CNTNAP5: variants seen among roughly 807,000 people sequenced by gnomAD.
The protein encoded by CNTNAP5 is contactin associated protein family member 5.
In CNTNAP5, 72 loss-of-function variants were observed where a neutral mutation model predicts 150.2. The observed-to-expected ratio is 0.48, with a 90% CI of 0.40 to 0.58. CNTNAP5 has a LOEUF of 0.58. CNTNAP5 is among the 20% of genes least tolerant of loss of function. The pLI, the probability that CNTNAP5 is intolerant of heterozygous loss-of-function variation, is 0.00. For missense variants in CNTNAP5, 1,636 were observed against 1,626.2 expected, an observed-to-expected ratio of 1.01 and a Z score of -0.10; for synonymous variants, 672 against 619.8, an observed-to-expected ratio of 1.08 and a Z score of -1.25.
chr2:124,809,174 A>C (rs1347523257), intron 19 of CNTNAP5, among the ~76,000 whole-genome samples: 1 of 152,128 alleles, frequency 6.6e-6, no homozygotes, highest in Non-Finnish European at 1.5e-5. Flanking sequence ...CTTCAGTCCA[A>C]TTTGTAGTGC....
intron 3 of CNTNAP5, among the ~76,000 whole-genome samples, chr2:124,290,874 C>CTTTATTA (rs1553455459): frequency 6.7e-6 from 1 of 148,444 alleles, no homozygotes; most frequent in Non-Finnish European, 1.5e-5. Flanking sequence ...ATCTTCCTTC[C>CTTTATTA]TTTATTTATT....
At position 124,814,875 on chromosome 2, in the gene CNTNAP5, G is replaced by A. The variant is rs150435706; in HGVS notation, c.3217+16555G>A. Among the ~76,000 whole-genome samples, 225 of 152,188 alleles carry A rather than the reference G, an allele frequency of 1.5e-3. 3 individuals are homozygous for A. The highest frequency in any genetic ancestry group is 5.1e-3 in the African/African-American group (211 of 41,516). On this transcript the variant is annotated intron_variant, in intron 19 of 23. Coordinates refer to ENST00000682447, the MANE Select transcript of CNTNAP5 (RefSeq NM_001367498.1). ...TTAAAAGGGAGGCAATTTAAAACAG[G>A]CAAAATATTGCATTAAAACAAAGAG...
At chr2:124,320,295 T>C (rs1573914202) in intron 3 of CNTNAP5, among the ~76,000 whole-genome samples, 1 of 152,222 alleles carries the variant, frequency 6.6e-6, no homozygotes, top group African/African-American at 2.4e-5. Flanking sequence ...TCTCCAGCAA[T>C]GTATGAGAGC....
At position 124,869,760 on chromosome 2, in the gene CNTNAP5, C is replaced by T. The variant is rs770112059; in HGVS notation, c.3434C>T (p.Thr1145Ile). ...AGGTCACTCACCTTGGGCAAAGTCA[C>T]AGGTATGTTGTTCTAGTTCATACCT... is the stretch of plus-strand genomic sequence containing the variant. Reference protein sequence around the residue: ...VIRSLTLGKVTENLGLDSEVA... With the variant: ...VIRSLTLGKVIENLGLDSEVA... Residue 1145 changes from threonine to isoleucine, a missense_variant and splice_region_variant, in exon 21 of 24, where the codon ACA (threonine) becomes ATA (isoleucine). Transcript: ENST00000682447. The T allele has an allele frequency of 6.3e-7, 1 of 1,588,598 alleles. No homozygotes were observed. The highest frequency in any genetic ancestry group is 8.6e-7 in the Non-Finnish European group (1 of 1,157,538).
chr2:124,783,377 C>T (rs936297577), intron 17 of CNTNAP5, among the ~76,000 whole-genome samples: 2 of 152,102 alleles, frequency 1.3e-5, no homozygotes, highest in Non-Finnish European at 2.9e-5. Context: ...TTATCATTCT[C>T]TTTTGTCAGA....
chr2:124,367,794 C>T (rs11683661), intron 3 of CNTNAP5, among the ~76,000 whole-genome samples: 10,598 of 152,224 alleles, frequency 0.07, 460 homozygotes, highest in East Asian at 0.21. Context: ...AATGCTAACT[C>T]TTTTATTATG....
intron 10 of CNTNAP5, among the ~76,000 whole-genome samples, chr2:124,532,523 A>T (rs1207841907): frequency 6.6e-6 from 1 of 152,126 alleles, no homozygotes. Context: ...TATCAACAGG[A>T]GACAGGCTCC....
chr2:124,424,824 A>G (rs528344823), intron 4 of CNTNAP5, among the ~76,000 whole-genome samples: 1 of 152,218 alleles, frequency 6.6e-6, no homozygotes, highest in African/African-American at 2.4e-5. Context: ...AAGGTAGATA[A>G]ACAAATGCTC....
chr2:124,597,192 T>C (rs932617088), intron 11 of CNTNAP5, among the ~76,000 whole-genome samples: 10 of 149,146 alleles, frequency 6.7e-5, no homozygotes, highest in Non-Finnish European at 1.2e-4. Context: ...ATTATGATGT[T>C]AGCTGGTGAT....
At chr2:124,802,035 T>G (rs888044886) in intron 19 of CNTNAP5, among the ~76,000 whole-genome samples, 5 of 152,158 alleles carry the variant, frequency 3.3e-5, no homozygotes, top group Non-Finnish European at 7.4e-5. Context: ...AAGATAGCCT[T>G]GGGAATCTGG....
At chr2:124,869,592 C>A in intron 20 of CNTNAP5, 83 bp from the exon 21 acceptor site, 1 of 853,146 alleles carries the variant, frequency 1.2e-6, no homozygotes, top group Non-Finnish European at 1.9e-6. Context: ...TGCATTTTTT[C>A]AAGCTATTTC....
intron 10 of CNTNAP5, among the ~76,000 whole-genome samples, chr2:124,528,637 G>A (rs1695032438): frequency 6.6e-6 from 1 of 152,130 alleles, no homozygotes; most frequent in Non-Finnish European, 1.5e-5. Flanking sequence ...AGCTCAGTAG[G>A]GATGGTAGGC....
chr2:124,308,814 C>A (rs1017694452), intron 3 of CNTNAP5, among the ~76,000 whole-genome samples: 1 of 152,302 alleles, frequency 6.6e-6, no homozygotes, highest in African/African-American at 2.4e-5. Flanking sequence ...AAATTGAAAA[C>A]AGAAGCTTTG....
intron 16 of CNTNAP5, among the ~76,000 whole-genome samples, chr2:124,769,313 A>G (rs1440470147): frequency 6.6e-6 from 1 of 152,104 alleles, no homozygotes; most frequent in Non-Finnish European, 1.5e-5. Context: ...CAGTCTTCTC[A>G]AAAGTAAATC....
chr2:124,361,805 G>A (rs1296448917), intron 3 of CNTNAP5, among the ~76,000 whole-genome samples: 1 of 152,154 alleles, frequency 6.6e-6, no homozygotes, highest in African/African-American at 2.4e-5. Context: ...TACAGAGGCA[G>A]GCAGGCCTCC....
chr2:124,829,741 T>A (rs1558792263), intron 19 of CNTNAP5, among the ~76,000 whole-genome samples: 1 of 151,960 alleles, frequency 6.6e-6, no homozygotes, highest in Non-Finnish European at 1.5e-5. Context: ...TTATTATAAA[T>A]GTTTTTAGAG....
intron 7 of CNTNAP5, among the ~76,000 whole-genome samples, chr2:124,477,338 G>T (rs1227028902): frequency 6.6e-6 from 1 of 151,970 alleles, no homozygotes; most frequent in African/African-American, 2.4e-5. Flanking sequence ...TGTGTTTTGA[G>T]GTATCATATT....
intron 3 of CNTNAP5, among the ~76,000 whole-genome samples, chr2:124,402,572 A>C (rs1487079093): frequency 6.6e-6 from 1 of 152,144 alleles, no homozygotes; most frequent in Non-Finnish European, 1.5e-5. Context: ...TCTAATCTGG[A>C]GGTCATAACC....
chr2:124,868,266 A>G (rs751795330), intron 20 of CNTNAP5, among the ~76,000 whole-genome samples: 2 of 152,150 alleles, frequency 1.3e-5, no homozygotes, highest in Non-Finnish European at 1.5e-5. Flanking sequence ...AAAAAGTCAA[A>G]GGTCTTCCAG....
Sources: gnomAD v4.1 joint callset for allele counts (sites outside exome capture counted in the v4.1 genomes callset) on GRCh38, gnomAD v4.1.1 for gene constraint, MANE v1.5 for transcripts, NCBI Gene and HGNC (gene_info 2026-07-23, HGNC 2026-07-21) for gene names.